The following TEK variants were observed in gnomAD, a reference collection of about 807,000 sequenced individuals.
TEK encodes TEK receptor tyrosine kinase, also known as angiopoietin-1 receptor.
In TEK, 43 loss-of-function variants were observed where a neutral mutation model predicts 131.8. The ratio of observed to expected loss-of-function variants is 0.33; its 90% CI spans 0.26 to 0.42. The LOEUF (loss-of-function observed/expected upper bound fraction) is 0.42, where lower values mean the gene tolerates loss of function less well. Ranked by LOEUF, TEK falls within the 10% of genes least tolerant of loss-of-function variation. TEK has a pLI of 1.00. For missense variants in TEK, 1,162 were observed against 1,384.4 expected, an observed-to-expected ratio of 0.84 and a Z score of 2.55; for synonymous variants, 580 against 491.6, an observed-to-expected ratio of 1.18 and a Z score of -2.38.
At chr9:27,193,865 G>T (rs1392080080) in intron 11 of TEK, among the ~76,000 whole-genome samples, 1 of 152,106 alleles carries the variant, frequency 6.6e-6, no homozygotes, top group Non-Finnish European at 1.5e-5. Context: ...AGAGTGCAGT[G>T]GTTTGATCAA....
At chr9:27,217,598 C>A in intron 18 of TEK, 90 bp from the exon 19 acceptor site, 1 of 1,115,672 alleles carries the variant, frequency 9.0e-7, no homozygotes, top group Non-Finnish European at 1.4e-6. Flanking sequence ...GTCTACCCAG[C>A]AATCATTTGT....
intron 1 of TEK, among the ~76,000 whole-genome samples, chr9:27,131,814 AAAG>A (rs1487550538): frequency 6.6e-6 from 1 of 151,928 alleles, no homozygotes; most frequent in Admixed American, 6.6e-5. Context: ...TTAAAAAAAA[AAAG>A]AAAGAAATTT....
intron 6 of TEK, among the ~76,000 whole-genome samples, chr9:27,179,355 A>ATGTTG (rs1192297894): frequency 6.6e-6 from 1 of 152,214 alleles, no homozygotes; most frequent in Non-Finnish European, 1.5e-5. Flanking sequence ...TTTGTTATGA[A>ATGTTG]CATATCTTCT....
intron 1 of TEK, among the ~76,000 whole-genome samples, chr9:27,110,236 TA>T (rs1811204138): frequency 6.6e-6 from 1 of 152,138 alleles, no homozygotes; most frequent in South Asian, 2.1e-4. Flanking sequence ...TGTTTTATTT[TA>T]AAAAATGTTT....
intron 2 of TEK, among the ~76,000 whole-genome samples, chr9:27,165,385 A>C (rs564143633): frequency 5.3e-5 from 8 of 152,250 alleles, no homozygotes; most frequent in African/African-American, 1.7e-4. Context: ...AGCTGCATGC[A>C]TTTGGAGGTC....
In TEK at chr9:27,169,661, G is replaced by T. The variant is rs1193853483; in HGVS notation, c.628+32G>T. 3.7e-6 allele frequency: 6 copies of T among 1,613,402 alleles called. No individual in the cohort carries two copies. The Admixed American group carries it at 1.0e-4, about 27-fold the overall frequency. On this transcript the variant is annotated intron_variant, in intron 4 of 22. Transcript: ENST00000380036. ...GATGGAGAGGCCACCATTTGTGATG[G>T]TGTAGTTGTTAGGTTGTTAGGATTT...
At position 27,209,046 on chromosome 9, in the gene TEK, T is replaced by C. The variant is rs113211367; in HGVS notation, c.2576-75T>C. The C allele has an allele frequency of 1.1e-3, 1,100 of 977,692 alleles. 9 individuals carry two copies. The African/African-American group carries it at 0.015, about 13-fold the overall frequency. 60.6% of individuals were successfully genotyped at this position (977,692 alleles called of 1,614,324 possible). ...GTGACTGAGGGTAGCTGAAGGTTCTTAGGGGGCAGGACGGGACAGCTGATT... is the reference window on the plus strand; with the variant it reads ...GTGACTGAGGGTAGCTGAAGGTTCTCAGGGGGCAGGACGGGACAGCTGATT... On this transcript the variant is annotated intron_variant, in intron 15 of 22. Transcript: ENST00000380036.
Position 27,211,432 on chromosome 9 carries a change from C to CT in TEK, c.2687-1253dup, listed in dbSNP as rs138801213. 3.7e-4 allele frequency among the ~76,000 whole-genome samples: 26 copies of CT among 70,532 alleles called. 2 individuals are homozygous for CT. Among genetic ancestry groups the CT allele is most frequent in the Admixed American group, 6.2e-4 (3 of 4,836 alleles). The allele number at this position is 70,532 out of a possible 152,430, so 46.3% of individuals were successfully genotyped here. On this transcript the variant is annotated intron_variant, in intron 16 of 22. Transcript: ENST00000380036. ...TCAATTTCTTAGAAGATCTTTCAAG[C>CT]TTTTTTTTTTTTTTTTTTTTTTGAG...
chr9:27,137,146 A>G (rs7847166), intron 1 of TEK, among the ~76,000 whole-genome samples: 78,638 of 151,586 alleles, frequency 0.52, 21,355 homozygotes, highest in African/African-American at 0.57. Flanking sequence ...TCGATCTCTT[A>G]ACCTCAGTTG....
At chr9:27,134,249 C>T (rs1235880519) in intron 1 of TEK, among the ~76,000 whole-genome samples, 1 of 152,174 alleles carries the variant, frequency 6.6e-6, no homozygotes, top group Non-Finnish European at 1.5e-5. Flanking sequence ...TTCATATTAA[C>T]ATTGTATGTA....
chr9:27,176,073 C>T (rs1390459731), intron 6 of TEK, among the ~76,000 whole-genome samples: 1 of 152,178 alleles, frequency 6.6e-6, no homozygotes, highest in African/African-American at 2.4e-5. Flanking sequence ...TTCCAGACTC[C>T]TTTCAACAAT....
intron 16 of TEK, among the ~76,000 whole-genome samples, chr9:27,212,406 C>T (rs1294109094): frequency 6.6e-6 from 1 of 152,126 alleles, no homozygotes; most frequent in Non-Finnish European, 1.5e-5. Context: ...CTTTGACTCA[C>T]TCTACTGTTA....
intron 12 of TEK, among the ~76,000 whole-genome samples, chr9:27,199,374 A>G (rs569201139): frequency 6.6e-6 from 1 of 152,258 alleles, no homozygotes; most frequent in Non-Finnish European, 1.5e-5. Flanking sequence ...GACAGGTGTG[A>G]GAGTTTTTCT....
At chr9:27,188,413 C>T (rs749124776) in intron 9 of TEK, among the ~76,000 whole-genome samples, 1 of 152,106 alleles carries the variant, frequency 6.6e-6, no homozygotes, top group Non-Finnish European at 1.5e-5. Flanking sequence ...TAAGAGGAAG[C>T]CTTTGTAGCA....
At chr9:27,127,986 T>A (rs564541450) in intron 1 of TEK, among the ~76,000 whole-genome samples, 5 of 152,314 alleles carry the variant, frequency 3.3e-5, no homozygotes, top group African/African-American at 1.2e-4. Context: ...TTTAATTAGA[T>A]CCCATTTGTC....
At chr9:27,153,583 T>G (rs185481285) in intron 1 of TEK, among the ~76,000 whole-genome samples, 4 of 149,134 alleles carry the variant, frequency 2.7e-5, no homozygotes, top group Admixed American at 6.6e-5. Flanking sequence ...AAGTATGAAT[T>G]AAACTATTAA....
Position 27,192,617 on chromosome 9 carries a change from T to A in TEK, c.1618T>A (p.Ser540Thr). 1 of 1,611,918 alleles carries A rather than the reference T, an allele frequency of 6.2e-7. No homozygotes were observed. Among genetic ancestry groups the A allele is most frequent in the Non-Finnish European group, 8.5e-7 (1 of 1,178,982 alleles). The part of the protein sequence containing the change: ...PGPVRRFTTA[S>T]IGLPPPRGLN... ...ACCTGTGAGACGCTTCACAACAGCTTCTATCGGTCAGTGGAAGCCAACAGG... is the reference window on the plus strand; with the variant it reads ...ACCTGTGAGACGCTTCACAACAGCTACTATCGGTCAGTGGAAGCCAACAGG... Residue 540 changes from serine (S) to threonine (T), a missense_variant, in exon 11 of 23, where the codon TCT becomes ACT. Physicochemically the swap from Ser to Thr is moderately conservative, Grantham distance 58 (BLOSUM62 1). Around this residue, in one of 6 missense-constraint regions of TEK, gnomAD observed 477 missense variants for 471.0 expected, o/e 1.01. Coordinates refer to ENST00000380036, the MANE Select transcript of TEK (RefSeq NM_000459.5).
chr9:27,149,788 C>T (rs1823057675), intron 1 of TEK, among the ~76,000 whole-genome samples: 1 of 152,108 alleles, frequency 6.6e-6, no homozygotes, highest in African/African-American at 2.4e-5. Context: ...CGTCTTTGAG[C>T]AGCATAAGGG....
rs1824313807 is a variant in TEK at position 27,180,254 on chromosome 9, T to G, written c.916T>G (p.Phe306Val). The G allele has an allele frequency of 1.2e-6, 2 of 1,613,724 alleles. No homozygotes were observed. The highest frequency in any genetic ancestry group is 1.7e-5 in the Admixed American group (1 of 59,974). ...LQCNEACHPG[F>V]YGPDCKLRCS... ...TCTGTTTACAGCATGCCACCCTGGT[T>G]TTTACGGGCCAGATTGTAAGCTTAG... is the stretch of plus-strand genomic sequence containing the variant. Residue 306 changes from phenylalanine to valine, a missense_variant, in exon 7 of 23, where the codon TTT becomes GTT. By Grantham distance (50) the Phe-to-Val change is conservative. Transcript: ENST00000380036.
Sources: allele counts gnomAD v4.1 joint callset (sites outside exome capture counted in the v4.1 genomes callset), GRCh38; gene constraint gnomAD v4.1.1; regional missense constraint gnomAD v4.1.1; transcripts MANE v1.5; gene names NCBI Gene and HGNC (gene_info 2026-07-23, HGNC 2026-07-21).